NCF2: variants seen among roughly 807,000 people sequenced by gnomAD.
The protein encoded by NCF2 is neutrophil cytosol factor 2.
A neutral mutation model predicts 70.9 loss-of-function variants in NCF2; 45 were observed. That is an observed-to-expected ratio of 0.63 (90% confidence interval 0.50 to 0.81). The LOEUF (loss-of-function observed/expected upper bound fraction) is 0.81. Among genes scored for constraint, NCF2 ranks in the 40% least tolerant of loss-of-function variants. NCF2 has a pLI of 0.00. For missense variants in NCF2, 522 were observed against 631.6 expected (o/e 0.83, Z 1.86); for synonymous variants, 203 against 233.6 (o/e 0.87, Z 1.19).
At chr1:183,577,827 C>A in intron 2 of NCF2, 120 bp from the exon 3 acceptor site, 1 of 764,174 alleles carries the variant, frequency 1.3e-6, no homozygotes, top group South Asian at 1.5e-5. Context: ...CCTTTCAGTT[C>A]CTTTTGACCT....
intron 4 of NCF2, among the ~76,000 whole-genome samples, chr1:183,573,800 C>G (rs1379932677): frequency 6.6e-6 from 1 of 152,198 alleles, no homozygotes; most frequent in Non-Finnish European, 1.5e-5. Context: ...AAAATCAAAA[C>G]ATATTTTAGG....
rs1293442749 is a variant in NCF2 at position 183,555,935 on chromosome 1, G to C, written c.*183C>G. ...ACCTGTCCCCATCTCCTCACCCACT[G>C]TGCCCCAGGAAATCATCCTGGGTAC... On this transcript the variant is annotated 3_prime_UTR_variant, in exon 15 of 15. Transcript: ENST00000367535. 3 of 647,934 alleles carry C rather than the reference G, an allele frequency of 4.6e-6. No homozygotes were observed. The African/African-American group carries it at 5.4e-5, about 12-fold the overall frequency. 40.1% of individuals were successfully genotyped at this position (647,934 alleles called of 1,614,324 possible). A position where few individuals can be genotyped will look rare whatever the true frequency, so the allele number is the denominator to read the frequency against.
intron 14 of NCF2, among the ~76,000 whole-genome samples, chr1:183,557,281 A>C (rs1671834530): frequency 6.6e-6 from 1 of 152,248 alleles, no homozygotes; most frequent in African/African-American, 2.4e-5. Flanking sequence ...ACATTAAGGC[A>C]CTGGTGCCTG....
At chr1:183,593,713 G>A (rs1314072083), upstream of NCF2, among the ~76,000 whole-genome samples, 4 of 152,164 alleles carry the variant, frequency 2.6e-5, no homozygotes, top group African/African-American at 9.7e-5. Context: ...TGTCATCTGT[G>A]ACATTGTTTC....
intron 14 of NCF2, 61 bp downstream of exon 14, chr1:183,560,035 C>T: frequency 6.5e-7 from 1 of 1,527,850 alleles, no homozygotes; most frequent in Non-Finnish European, 9.1e-7. Flanking sequence ...CTTCTCTCTG[C>T]CCTTGACCTT....
intron 6 of NCF2, among the ~76,000 whole-genome samples, chr1:183,570,140 A>C (rs1403337177): frequency 6.6e-6 from 1 of 151,804 alleles, no homozygotes; most frequent in East Asian, 1.9e-4. Context: ...GCTGACCAAC[A>C]CTCTTGCCCA....
intron 7 of NCF2, 55 bp downstream of exon 7, chr1:183,569,087 A>G (rs1672432233): frequency 1.3e-6 from 2 of 1,542,962 alleles, no homozygotes; most frequent in Admixed American, 1.7e-5. Context: ...CTTTCTTGCC[A>G]TCAGCTCAGG....
At chr1:183,578,522 G>C (rs544214565) in intron 2 of NCF2, among the ~76,000 whole-genome samples, 1 of 151,954 alleles carries the variant, frequency 6.6e-6, no homozygotes, top group Admixed American at 6.6e-5. Flanking sequence ...GCGCCACCAC[G>C]CCCGGCTAAT....
intron 13 of NCF2, among the ~76,000 whole-genome samples, chr1:183,562,247 A>T (rs889180976): frequency 3.9e-5 from 6 of 152,202 alleles, no homozygotes; most frequent in Non-Finnish European, 7.3e-5. Context: ...ATTAAAAAAA[A>T]GTTTAAGTGA....
At chr1:183,599,645 G>A in the NCF2 span, among the ~76,000 whole-genome samples, 430 of 151,422 alleles carry the variant, frequency 2.8e-3, 3 homozygotes, top group African/African-American at 9.7e-3. Flanking sequence ...TCCACCTCCC[G>A]GGTTCAAGCA....
At chr1:183,561,779 CTTTTTTTTTTTTTTTTTTTT>C (rs57218247) in intron 13 of NCF2, among the ~76,000 whole-genome samples, 16 of 65,120 alleles carry the variant, frequency 2.5e-4, no homozygotes, top group Admixed American at 4.1e-4. Context: ...TACCAGGCCT[CTTTTTTTTTTTTTTTTTTTT>C]TTTTTTTTTT....
chr1:183,594,777 A>G (rs114907490), upstream of NCF2, among the ~76,000 whole-genome samples: 7 of 131,164 alleles, frequency 5.3e-5, 1 homozygote, highest in Non-Finnish European at 1.2e-4. Flanking sequence ...AGCCAAGAAC[A>G]CTCCCAAGAC....
At chr1:183,566,838 T>A in intron 9 of NCF2, 82 bp downstream of exon 9, 1 of 1,563,936 alleles carries the variant, frequency 6.4e-7, no homozygotes, top group Non-Finnish European at 8.8e-7. Flanking sequence ...TGACAACACC[T>A]CTTTTACACT....
intron 4 of NCF2, 86 bp from the exon 5 acceptor site, chr1:183,573,378 A>C: frequency 8.3e-7 from 1 of 1,202,418 alleles, no homozygotes; most frequent in Non-Finnish European, 1.2e-6. Context: ...TAGATGCAAG[A>C]ATTCATTGAG....
upstream of NCF2, among the ~76,000 whole-genome samples, chr1:183,592,166 A>C (rs970131126): frequency 5.3e-5 from 8 of 152,206 alleles, no homozygotes; most frequent in African/African-American, 1.9e-4. Flanking sequence ...CATTATCACC[A>C]AGCTTCCCCT....
intron 9 of NCF2, 76 bp from the exon 10 acceptor site, chr1:183,565,855 CT>C: frequency 1.4e-6 from 2 of 1,403,030 alleles, no homozygotes; most frequent in Non-Finnish European, 2.0e-6. Flanking sequence ...GGAAACACCC[CT>C]ACAGAGACCC....
At chr1:183,584,794 C>T (rs535758757) in intron 2 of NCF2, among the ~76,000 whole-genome samples, 228 of 152,214 alleles carry the variant, frequency 1.5e-3, no homozygotes, top group Admixed American at 3.9e-3. Flanking sequence ...CAGTTAGAGG[C>T]AAGACGTCGG....
At chr1:183,564,559 G>T (rs1056723469) in intron 10 of NCF2, among the ~76,000 whole-genome samples, 1 of 152,128 alleles carries the variant, frequency 6.6e-6, no homozygotes, top group Admixed American at 6.5e-5. Context: ...ATCAGAGAAG[G>T]CCACTGATCT....
chr1:183,597,177 G>T, the NCF2 span, among the ~76,000 whole-genome samples: 1 of 152,186 alleles, frequency 6.6e-6, no homozygotes, highest in Non-Finnish European at 1.5e-5. Context: ...TTTCAGTCCT[G>T]CATTTTTCGT....
Sources: allele counts gnomAD v4.1 joint callset (sites outside exome capture counted in the v4.1 genomes callset), GRCh38; gene constraint gnomAD v4.1.1; transcripts MANE v1.5; gene names NCBI Gene and HGNC (gene_info 2026-07-23, HGNC 2026-07-21).